XKR6: variants seen among roughly 807,000 people sequenced by gnomAD.
XKR6 encodes the protein XK-related protein 6.
XKR6 carries 22 observed loss-of-function variants against 56.7 expected under a neutral mutation model. The observed-to-expected ratio is 0.39, with a 90% CI of 0.28 to 0.55. The LOEUF is 0.55. XKR6 is among the 20% of genes least tolerant of loss of function. The probability of loss-of-function intolerance (pLI) is 0.66; values close to 1 mark genes in which losing one functional copy is unlikely to be tolerated. For synonymous variants in XKR6, 524 were observed against 387.8 expected (o/e 1.35, Z -4.13); for missense variants, 852 against 889.0 (o/e 0.96, Z 0.53).
intron 1 of XKR6, among the ~76,000 whole-genome samples, chr8:11,039,833 C>G (rs970051092): frequency 6.6e-6 from 1 of 152,232 alleles, no homozygotes; most frequent in African/African-American, 2.4e-5. Flanking sequence ...GGGAAGCAGC[C>G]CGAGCACAGC....
intron 1 of XKR6, among the ~76,000 whole-genome samples, chr8:11,111,071 G>T (rs1403034609): frequency 1.4e-5 from 2 of 145,640 alleles, no homozygotes; most frequent in Non-Finnish European, 1.5e-5. Context: ...AGCCAGGATG[G>T]TCTCGATCTC....
intron 1 of XKR6, among the ~76,000 whole-genome samples, chr8:11,180,504 G>T (rs553334377): frequency 2.0e-5 from 3 of 152,372 alleles, no homozygotes; most frequent in African/African-American, 4.8e-5. Flanking sequence ...CTGCAAGGGT[G>T]GGGGAAGCAA....
intron 2 of XKR6, among the ~76,000 whole-genome samples, chr8:10,924,391 T>C (rs1199536137): frequency 1.3e-5 from 2 of 152,248 alleles, no homozygotes; most frequent in African/African-American, 4.8e-5. Flanking sequence ...TCTGCTCTGC[T>C]CACATGGACG....
intron 1 of XKR6, among the ~76,000 whole-genome samples, chr8:11,057,032 AG>A (rs1799702567): frequency 6.6e-6 from 1 of 152,198 alleles, no homozygotes; most frequent in Non-Finnish European, 1.5e-5. Flanking sequence ...TCTGCGTACA[AG>A]GTGCAGCCAT....
At chr8:11,017,055 G>C (rs990297866) in intron 1 of XKR6, among the ~76,000 whole-genome samples, 1 of 152,378 alleles carries the variant, frequency 6.6e-6, no homozygotes, top group Middle Eastern at 3.4e-3. Context: ...CATATGGATA[G>C]ATCATAGACA....
chr8:10,935,291 T>C (rs551350138), intron 1 of XKR6, among the ~76,000 whole-genome samples: 38 of 136,082 alleles, frequency 2.8e-4, no homozygotes, highest in African/African-American at 1.1e-3. Context: ...CTTCTCTCTT[T>C]TTTTCTTTAT....
At position 11,096,884 on chromosome 8, in the gene XKR6, T is replaced by A. The variant is rs77672826; in HGVS notation, c.764+103692A>T. Among the ~76,000 whole-genome samples, 13 of 152,318 alleles carry A rather than the reference T, an allele frequency of 8.5e-5. No individual in the cohort carries two copies. In the East Asian group the frequency reaches 2.5e-3, roughly 29 times the overall value. On this transcript the variant is annotated intron_variant, in intron 1 of 2. Transcript: ENST00000416569. ...CACTGAATGTCACCCAAACACCAAA[T>A]GAAAATCTAGCTGGAATGAAGACAT...
chr8:11,199,407 G>T (rs983462543), intron 1 of XKR6, among the ~76,000 whole-genome samples: 2 of 152,204 alleles, frequency 1.3e-5, no homozygotes, highest in African/African-American at 4.8e-5. Context: ...CAGCTAACCT[G>T]GGTATATCTG....
intron 1 of XKR6, among the ~76,000 whole-genome samples, chr8:11,056,612 G>A (rs994317657): frequency 1.3e-5 from 2 of 152,220 alleles, no homozygotes; most frequent in Admixed American, 6.5e-5. Flanking sequence ...GGGAAGGGCA[G>A]GTCACTGGGG....
intron 1 of XKR6, among the ~76,000 whole-genome samples, chr8:11,148,994 G>T (rs940070697): frequency 6.6e-6 from 1 of 152,192 alleles, no homozygotes; most frequent in African/African-American, 2.4e-5. Flanking sequence ...AAATATCAGT[G>T]GTTGCCTGGA....
chr8:11,109,443 T>C (rs1798803243), intron 1 of XKR6: 1 of 152,188 alleles, frequency 6.6e-6, no homozygotes, highest in Non-Finnish European at 1.5e-5. Context: ...TGTTAGGAAA[T>C]GTATCGATAC....
chr8:10,996,174 C>A (rs1798109110), intron 1 of XKR6, among the ~76,000 whole-genome samples: 1 of 152,192 alleles, frequency 6.6e-6, no homozygotes, highest in African/African-American at 2.4e-5. Flanking sequence ...GGTCAATAAT[C>A]TTTCTCATAG....
chr8:11,060,624 C>T (rs1429525040), intron 1 of XKR6, among the ~76,000 whole-genome samples: 2 of 152,190 alleles, frequency 1.3e-5, no homozygotes, highest in South Asian at 2.1e-4. Context: ...GGTTACACTT[C>T]CCGTACACAA....
chr8:11,067,404 C>A (rs559015160), intron 1 of XKR6, among the ~76,000 whole-genome samples: 153 of 152,348 alleles, frequency 1.0e-3, no homozygotes, highest in African/African-American at 3.6e-3. Context: ...CTCCTCGAAG[C>A]ATCAGAGTCC....
At chr8:11,150,278 T>C (rs936049363) in intron 1 of XKR6, among the ~76,000 whole-genome samples, 2 of 152,186 alleles carry the variant, frequency 1.3e-5, no homozygotes, top group African/African-American at 2.4e-5. Flanking sequence ...ATGTCATGGA[T>C]ACCCCAAATA....
At chr8:10,931,348 G>T (rs1297132946) in intron 1 of XKR6, among the ~76,000 whole-genome samples, 1 of 152,004 alleles carries the variant, frequency 6.6e-6, no homozygotes, top group African/African-American at 2.4e-5. Context: ...GATGACAATT[G>T]CCCTCAAATT....
At chr8:11,139,736 C>T (rs969225841) in intron 1 of XKR6, among the ~76,000 whole-genome samples, 5 of 152,194 alleles carry the variant, frequency 3.3e-5, no homozygotes, top group Non-Finnish European at 7.3e-5. Flanking sequence ...GCCGAAGGGG[C>T]TGTAACAGGG....
At chr8:11,094,115 C>T (rs556671709) in intron 1 of XKR6, among the ~76,000 whole-genome samples, 1 of 148,258 alleles carries the variant, frequency 6.7e-6, no homozygotes, top group African/African-American at 2.5e-5. Context: ...CTTGCTGTGT[C>T]GCCCAGGCTG....
At chr8:11,197,017 G>C (rs67633260) in intron 1 of XKR6, among the ~76,000 whole-genome samples, 7,559 of 152,242 alleles carry the variant, frequency 0.05, 247 homozygotes, top group South Asian at 0.094. Context: ...TCTCAAATCA[G>C]AAAACAACGC....
Sources: gnomAD v4.1 joint callset for allele counts (sites outside exome capture counted in the v4.1 genomes callset) on GRCh38, gnomAD v4.1.1 for gene constraint, MANE v1.5 for transcripts, NCBI Gene and HGNC (gene_info 2026-07-23, HGNC 2026-07-21) for gene names.